Variants in GALNT13 observed in about 807,000 individuals in gnomAD.
GALNT13 encodes UDP-GalNAc:polypeptide N-acetylgalactosaminyltransferase 13.
A neutral mutation model predicts 64.2 loss-of-function variants in GALNT13; 28 were observed. The observed-to-expected ratio is 0.44, with a 90% CI of 0.32 to 0.60. The LOEUF (loss-of-function observed/expected upper bound fraction) is 0.60, where lower values mean the gene tolerates loss of function less well. Ranked by LOEUF, GALNT13 falls within the 20% of genes least tolerant of loss-of-function variation. The probability of loss-of-function intolerance (pLI) is 0.05; values close to 1 mark genes in which losing one functional copy is unlikely to be tolerated. For synonymous variants in GALNT13, 214 were observed against 224.6 expected (o/e 0.95, Z 0.42); for missense variants, 577 against 669.8 (o/e 0.86, Z 1.53).
intron 4 of GALNT13, among the ~76,000 whole-genome samples, chr2:154,238,934 C>A (rs1279562288): frequency 1.3e-5 from 2 of 151,932 alleles, no homozygotes; most frequent in African/African-American, 4.8e-5. Context: ...TGCATTAGAT[C>A]TCCAGAAGTT....
chr2:153,499,293 C>A, the GALNT13 span, among the ~76,000 whole-genome samples: 1 of 152,166 alleles, frequency 6.6e-6, no homozygotes, highest in Non-Finnish European at 1.5e-5. Context: ...GCAGGCAGGT[C>A]ATCACAAAGT....
the GALNT13 span, among the ~76,000 whole-genome samples, chr2:153,180,989 T>C: frequency 6.6e-6 from 1 of 150,468 alleles, no homozygotes; most frequent in Middle Eastern, 3.4e-3. Flanking sequence ...TTTATTATTT[T>C]CCTAGTCTCT....
chr2:154,334,221 A>T (rs1288670147), intron 9 of GALNT13, among the ~76,000 whole-genome samples: 1 of 152,042 alleles, frequency 6.6e-6, no homozygotes, highest in Non-Finnish European at 1.5e-5. Flanking sequence ...TAGAGATATG[A>T]TTCCTTAGGC....
the GALNT13 span, among the ~76,000 whole-genome samples, chr2:153,492,414 C>T: frequency 2.0e-5 from 3 of 152,150 alleles, no homozygotes; most frequent in Non-Finnish European, 4.4e-5. Context: ...TTTAGCAAAC[C>T]TATTGAAGAA....
At chr2:154,435,121 C>T (rs971223014) in intron 11 of GALNT13, among the ~76,000 whole-genome samples, 1 of 152,122 alleles carries the variant, frequency 6.6e-6, no homozygotes, top group South Asian at 2.1e-4. Flanking sequence ...GAAACATATG[C>T]TAAATCTATG....
chr2:154,133,645 T>C (rs1277199729), intron 3 of GALNT13, among the ~76,000 whole-genome samples: 1 of 148,380 alleles, frequency 6.7e-6, no homozygotes, highest in Admixed American at 6.8e-5. Flanking sequence ...TATCAGTCTT[T>C]TGATAATAGA....
the GALNT13 span, among the ~76,000 whole-genome samples, chr2:153,667,098 A>G: frequency 6.6e-6 from 1 of 152,282 alleles, no homozygotes; most frequent in East Asian, 1.9e-4. Flanking sequence ...AAAAAAGAAT[A>G]AAAAAGAATG....
At chr2:154,010,081 C>T (rs887034944) in intron 3 of GALNT13, among the ~76,000 whole-genome samples, 5 of 152,148 alleles carry the variant, frequency 3.3e-5, no homozygotes, top group Non-Finnish European at 5.9e-5. Flanking sequence ...ATGGATTTCT[C>T]AAGGTATGAA....
the GALNT13 span, among the ~76,000 whole-genome samples, chr2:153,109,834 C>T: frequency 6.6e-5 from 10 of 152,110 alleles, no homozygotes; most frequent in African/African-American, 2.4e-4. Context: ...TGAGCTGTAT[C>T]GGGTTTGAAA....
chr2:153,973,800 G>T (rs1175862098), intron 3 of GALNT13, among the ~76,000 whole-genome samples: 1 of 151,818 alleles, frequency 6.6e-6, no homozygotes, highest in African/African-American at 2.4e-5. Context: ...AGTTTTTTAG[G>T]TTATTCACAT....
the GALNT13 span, among the ~76,000 whole-genome samples, chr2:153,324,465 T>A: frequency 1.3e-5 from 2 of 152,322 alleles, no homozygotes; most frequent in South Asian, 4.1e-4. Flanking sequence ...TTTCCTCTCT[T>A]CCTTGTGAAT....
the GALNT13 span, among the ~76,000 whole-genome samples, chr2:153,851,541 G>GA: frequency 7.5e-4 from 104 of 138,168 alleles, no homozygotes; most frequent in Middle Eastern, 3.7e-3. Flanking sequence ...GTGTTTCCAA[G>GA]AAAAAAAAAA....
At chr2:154,016,989 G>T (rs1393450984) in intron 3 of GALNT13, among the ~76,000 whole-genome samples, 3 of 152,082 alleles carry the variant, frequency 2.0e-5, no homozygotes, top group African/African-American at 4.8e-5. Flanking sequence ...AACTACAAGA[G>T]ATATAGAGAA....
chr2:153,934,313 GTA>G (rs762023575), intron 2 of GALNT13, among the ~76,000 whole-genome samples: 8 of 152,148 alleles, frequency 5.3e-5, no homozygotes, highest in Non-Finnish European at 7.4e-5. Context: ...TTTAGTGAGT[GTA>G]TCTGTAAATT....
chr2:153,170,992 A>G, the GALNT13 span, among the ~76,000 whole-genome samples: 1 of 152,218 alleles, frequency 6.6e-6, no homozygotes, highest in Non-Finnish European at 1.5e-5. Context: ...TTCCATCAGC[A>G]TTTTAGTGTA....
At chr2:154,225,613 C>T (rs1159830213) in intron 4 of GALNT13, among the ~76,000 whole-genome samples, 1 of 152,046 alleles carries the variant, frequency 6.6e-6, no homozygotes, top group Non-Finnish European at 1.5e-5. Context: ...TCTTCGCCCT[C>T]TTGAAGGTTT....
chr2:153,131,085 A>G, the GALNT13 span, among the ~76,000 whole-genome samples: 280 of 152,324 alleles, frequency 1.8e-3, no homozygotes, highest in Middle Eastern at 0.01. Flanking sequence ...CAGGTATTCT[A>G]TAATTCTATT....
intron 9 of GALNT13, 100 bp downstream of exon 9, chr2:154,301,689 ATTGT>A (rs1693449120): frequency 1.3e-6 from 1 of 782,930 alleles, no homozygotes; most frequent in Non-Finnish European, 2.0e-6. Flanking sequence ...TAGTTAAAAT[ATTGT>A]TTATTACCAT....
the GALNT13 span, among the ~76,000 whole-genome samples, chr2:153,692,910 T>G: frequency 3.3e-5 from 5 of 152,118 alleles, no homozygotes; most frequent in Non-Finnish European, 7.4e-5. Context: ...GTGGGGAGGT[T>G]TCTAGAAATC....
Sources: allele counts gnomAD v4.1 joint callset (sites outside exome capture counted in the v4.1 genomes callset), GRCh38; gene constraint gnomAD v4.1.1; transcripts MANE v1.5; gene names NCBI Gene and HGNC (gene_info 2026-07-23, HGNC 2026-07-21).